SLC4A4: variants seen among roughly 807,000 people sequenced by gnomAD.
The protein encoded by SLC4A4 is solute carrier family 4 member 4.
In SLC4A4, 27 loss-of-function variants were observed where a neutral mutation model predicts 111.5. The observed-to-expected ratio is 0.24, with a 90% CI of 0.18 to 0.33. SLC4A4 has a LOEUF of 0.33. Ranked by LOEUF, SLC4A4 falls within the 10% of genes least tolerant of loss-of-function variation. The pLI, the probability that SLC4A4 is intolerant of heterozygous loss-of-function variation, is 1.00. For missense variants in SLC4A4, 909 were observed against 1,315.5 expected (o/e 0.69, Z 4.78); for synonymous variants, 443 against 463.4 (o/e 0.96, Z 0.57).
At chr4:71,396,827 A>G (rs924463190) in intron 6 of SLC4A4, among the ~76,000 whole-genome samples, 1 of 152,192 alleles carries the variant, frequency 6.6e-6, no homozygotes, top group African/African-American at 2.4e-5. Context: ...CAGCTGCTAT[A>G]TGGTCAGGGA....
In SLC4A4 at chr4:71,472,557, C is replaced by A. The variant is rs1181588154; in HGVS notation, c.1632-142C>A. Reference sequence around the variant, plus strand: ...ACTAAATTCTTAAACTTAGTGCTTTCTGGCTAAAGTAGAGTTTCACATTTA... The same window carrying A: ...ACTAAATTCTTAAACTTAGTGCTTTATGGCTAAAGTAGAGTTTCACATTTA... On this transcript the variant is annotated intron_variant, in intron 13 of 25. Coordinates refer to ENST00000264485, the MANE Select transcript of SLC4A4 (RefSeq NM_001098484.3). 3 of 804,232 alleles carry A rather than the reference C, an allele frequency of 3.7e-6. No individual in the cohort carries two copies. The Admixed American group carries it at 7.1e-5, about 19-fold the overall frequency. 49.8% of individuals were successfully genotyped at this position (804,232 alleles called of 1,614,324 possible).
intron 1 of SLC4A4, among the ~76,000 whole-genome samples, chr4:71,088,740 T>C (rs1742275564): frequency 2.0e-5 from 3 of 152,066 alleles, no homozygotes; most frequent in Admixed American, 6.5e-5. Flanking sequence ...GCCCCCACTC[T>C]CTTCTGGCTT....
intron 2 of SLC4A4, among the ~76,000 whole-genome samples, chr4:71,175,038 C>A (rs1745046780): frequency 6.6e-6 from 1 of 152,178 alleles, no homozygotes; most frequent in African/African-American, 2.4e-5. Flanking sequence ...GCCACTGTGT[C>A]ATAGTTTGTA....
In SLC4A4 at chr4:71,143,355, A is replaced by G. The variant is rs540534156; in HGVS notation, c.-2+50563A>G. 5.9e-5 allele frequency among the ~76,000 whole-genome samples: 9 copies of G among 152,170 alleles called. No individual in the cohort carries two copies. The South Asian group carries it at 1.5e-3, about 25-fold the overall frequency. ...TCTTAATCCAGTCTATCATTGTTGG[A>G]CATTTGGGTTGGTTCCAAGTCTTTG... On this transcript the variant is annotated intron_variant, in intron 2 of 26. Transcript: ENST00000649996.
intron 6 of SLC4A4, among the ~76,000 whole-genome samples, chr4:71,371,490 C>T (rs980208773): frequency 2.0e-4 from 30 of 151,986 alleles, no homozygotes; most frequent in African/African-American, 6.0e-4. Flanking sequence ...GTGATCCACC[C>T]GCCTCGGCCT....
intron 7 of SLC4A4, 102 bp downstream of exon 7, chr4:71,397,755 T>C (rs1719961405): frequency 9.9e-7 from 1 of 1,009,882 alleles, no homozygotes; most frequent in Non-Finnish European, 1.6e-6. Context: ...AAAATGGACC[T>C]TTACGTGCAG....
chr4:71,199,491 C>A (rs1746152873), intron 1 of SLC4A4, among the ~76,000 whole-genome samples: 1 of 152,140 alleles, frequency 6.6e-6, no homozygotes, highest in Admixed American at 6.5e-5. Context: ...GTTTAAAAAT[C>A]ATCATCTTGG....
chr4:71,394,070 A>G (rs1220559466), intron 6 of SLC4A4, among the ~76,000 whole-genome samples: 1 of 152,220 alleles, frequency 6.6e-6, no homozygotes, highest in Admixed American at 6.5e-5. Flanking sequence ...ATAGAAGATA[A>G]CATTGGAAAA....
At chr4:71,275,497 G>A (rs1006095308) in intron 3 of SLC4A4, among the ~76,000 whole-genome samples, 21 of 152,176 alleles carry the variant, frequency 1.4e-4, no homozygotes, top group Non-Finnish European at 1.0e-4. Context: ...ATGGTTAAAC[G>A]TAGGATAGAT....
chr4:71,536,047 A>G (rs1299885806), intron 18 of SLC4A4, among the ~76,000 whole-genome samples: 1 of 152,094 alleles, frequency 6.6e-6, no homozygotes, highest in African/African-American at 2.4e-5. Flanking sequence ...TAGATACTGT[A>G]CTGCTCTGAG....
chr4:71,295,184 T>G (rs1724685326), intron 3 of SLC4A4, among the ~76,000 whole-genome samples: 1 of 152,180 alleles, frequency 6.6e-6, no homozygotes. Context: ...ACATCATGGT[T>G]GTAGATGTGG....
At chr4:71,459,230 G>C (rs1726580556) in intron 12 of SLC4A4, among the ~76,000 whole-genome samples, 1 of 151,980 alleles carries the variant, frequency 6.6e-6, no homozygotes, top group Non-Finnish European at 1.5e-5. Context: ...AGGCAGGGAT[G>C]TGGGGAGTCT....
intron 2 of SLC4A4, among the ~76,000 whole-genome samples, chr4:71,248,446 A>G (rs1720836608): frequency 6.6e-6 from 1 of 150,872 alleles, no homozygotes; most frequent in Non-Finnish European, 1.5e-5. Context: ...CTATATAGAT[A>G]TAATTATATA....
intron 6 of SLC4A4, among the ~76,000 whole-genome samples, chr4:71,393,650 G>C (rs1330044075): frequency 2.6e-5 from 4 of 151,488 alleles, no homozygotes; most frequent in African/African-American, 9.7e-5. Context: ...TCTTCACTGA[G>C]TTAGAAAAAA....
intron 16 of SLC4A4, among the ~76,000 whole-genome samples, chr4:71,498,067 G>A (rs4325986): frequency 6.6e-6 from 1 of 152,134 alleles, no homozygotes; most frequent in South Asian, 2.1e-4. Context: ...CCATGGTGTA[G>A]AATTTCTTCA....
intron 2 of SLC4A4, among the ~76,000 whole-genome samples, chr4:71,175,259 G>C (rs1025481347): frequency 4.6e-5 from 7 of 152,242 alleles, no homozygotes; most frequent in Admixed American, 4.6e-4. Context: ...ACAGCTTCCA[G>C]CATGAGTGAC....
intron 7 of SLC4A4, among the ~76,000 whole-genome samples, chr4:71,408,463 G>A (rs941074044): frequency 6.6e-6 from 1 of 151,970 alleles, no homozygotes; most frequent in Admixed American, 6.6e-5. Flanking sequence ...GTTTTGCTTT[G>A]CAGTAAGATT....
chr4:71,514,682 A>C (rs1732220974), intron 16 of SLC4A4, among the ~76,000 whole-genome samples: 1 of 152,074 alleles, frequency 6.6e-6, no homozygotes, highest in South Asian at 2.1e-4. Flanking sequence ...CTAATGATGG[A>C]TCTTTTGAGA....
chr4:71,097,608 C>T (rs1035986275), intron 2 of SLC4A4, among the ~76,000 whole-genome samples: 6 of 152,176 alleles, frequency 3.9e-5, no homozygotes, highest in African/African-American at 7.2e-5. Context: ...ACACTGCTTT[C>T]CACAATGGTT....
Sources: gnomAD v4.1 joint callset for allele counts (sites outside exome capture counted in the v4.1 genomes callset) on GRCh38, gnomAD v4.1.1 for gene constraint, MANE v1.5 for transcripts, NCBI Gene and HGNC (gene_info 2026-07-23, HGNC 2026-07-21) for gene names.